Variants in EPHA6 observed in about 807,000 individuals in gnomAD.
The protein encoded by EPHA6 is EPH receptor A6.
A neutral mutation model predicts 112.0 loss-of-function variants in EPHA6; 50 were observed. That is an observed-to-expected ratio of 0.45 (90% CI 0.36 to 0.56). The LOEUF is 0.56. Ranked by LOEUF, EPHA6 falls within the 20% of genes least tolerant of loss-of-function variation. The pLI, the probability that EPHA6 is intolerant of heterozygous loss-of-function variation, is 0.00. For synonymous variants in EPHA6, 529 were observed against 490.7 expected (o/e 1.08, Z -1.03); for missense variants, 1,280 against 1,417.4 (o/e 0.90, Z 1.56).
intron 10 of EPHA6, among the ~76,000 whole-genome samples, chr3:97,488,755 C>G (rs1419104372): frequency 2.0e-5 from 3 of 152,136 alleles, no homozygotes; most frequent in African/African-American, 4.8e-5. Context: ...TCTTGTCCAT[C>G]AACTTAAAGG....
chr3:97,133,422 G>T (rs902410892), intron 3 of EPHA6, among the ~76,000 whole-genome samples: 4 of 151,898 alleles, frequency 2.6e-5, no homozygotes, highest in Non-Finnish European at 4.4e-5. Flanking sequence ...CATATGCTTT[G>T]TCTTCTGTTT....
intron 3 of EPHA6, among the ~76,000 whole-genome samples, chr3:97,009,346 G>A (rs1405994240): frequency 6.6e-6 from 1 of 152,194 alleles, no homozygotes; most frequent in East Asian, 1.9e-4. Flanking sequence ...CCTGCCCACT[G>A]AGGAAGGATG....
chr3:97,331,349 A>G (rs928500989), intron 5 of EPHA6, among the ~76,000 whole-genome samples: 2 of 152,178 alleles, frequency 1.3e-5, no homozygotes, highest in Admixed American at 6.5e-5. Context: ...CTGGAGAAGC[A>G]AGAACAAACA....
In EPHA6 at chr3:96,985,275, C is replaced by T. The variant is rs1012820879; in HGVS notation, c.451-2055C>T. 4.0e-5 allele frequency among the ~76,000 whole-genome samples: 6 copies of T among 151,816 alleles called. No individual in the cohort carries two copies. The South Asian group carries it at 1.2e-3, about 32-fold the overall frequency. On this transcript the variant is annotated intron_variant, in intron 2 of 17. Coordinates refer to ENST00000389672, the MANE Select transcript of EPHA6 (RefSeq NM_001080448.3). ...CATTAATAATAATGTATATGCATTCCCTGAGAAGTGAAATCAATTGTAATT... is the reference window on the plus strand; with the variant it reads ...CATTAATAATAATGTATATGCATTCTCTGAGAAGTGAAATCAATTGTAATT...
In EPHA6 at chr3:97,173,452, A is replaced by T. The variant is rs139861742; in HGVS notation, c.1115-52812A>T. On this transcript the variant is annotated intron_variant, in intron 3 of 17. Transcript: ENST00000389672. The stretch of plus-strand genomic sequence containing the variant: ...AAATAAAGAGACCACTGGACTTGTA[A>T]CCAGATCATTTAGATTCTAGTCCTA... Among the ~76,000 whole-genome samples, 14 of 151,918 alleles carry T rather than the reference A, an allele frequency of 9.2e-5. 1 individual carries two copies. The East Asian group carries it at 2.5e-3, about 27-fold the overall frequency.
intron 3 of EPHA6, among the ~76,000 whole-genome samples, chr3:97,194,661 G>C (rs1374156818): frequency 1.3e-5 from 2 of 151,954 alleles, no homozygotes; most frequent in Non-Finnish European, 2.9e-5. Flanking sequence ...GCTGAAAGTG[G>C]TGTGTTGAAG....
At chr3:97,581,920 A>G (rs2093442450) in intron 11 of EPHA6, among the ~76,000 whole-genome samples, 1 of 152,262 alleles carries the variant, frequency 6.6e-6, no homozygotes, top group African/African-American at 2.4e-5. Context: ...TCTTTGTGCT[A>G]GAAGGAGTGA....
chr3:97,244,321 C>T, intron 5 of EPHA6, 34 bp downstream of exon 5: 1 of 1,582,696 alleles, frequency 6.3e-7, no homozygotes, highest in Non-Finnish European at 8.7e-7. Context: ...AAAACAGACC[C>T]ATAATTTCTT....
chr3:97,318,713 A>G (rs967959091), intron 5 of EPHA6, among the ~76,000 whole-genome samples: 1 of 152,030 alleles, frequency 6.6e-6, no homozygotes, highest in Non-Finnish European at 1.5e-5. Flanking sequence ...TAAAGAATAA[A>G]GAAATATTCT....
At chr3:97,289,780 C>T (rs933960517) in intron 5 of EPHA6, among the ~76,000 whole-genome samples, 9 of 151,996 alleles carry the variant, frequency 5.9e-5, no homozygotes, top group Non-Finnish European at 1.0e-4. Context: ...TCTTTCACCT[C>T]CTTGGTTACC....
chr3:97,668,943 A>AAAT (rs2030473782), intron 14 of EPHA6, among the ~76,000 whole-genome samples: 1 of 149,712 alleles, frequency 6.7e-6, no homozygotes, highest in Non-Finnish European at 1.5e-5. Context: ...AAAAAAAAAA[A>AAAT]ATCCACTAAG....
intron 2 of EPHA6, among the ~76,000 whole-genome samples, chr3:96,936,764 C>G (rs981396170): frequency 5.3e-5 from 8 of 152,118 alleles, no homozygotes; most frequent in African/African-American, 1.9e-4. Flanking sequence ...CACCACTCCT[C>G]CGACCCCACA....
chr3:97,150,339 G>A (rs756767277), intron 3 of EPHA6, among the ~76,000 whole-genome samples: 15 of 151,996 alleles, frequency 9.9e-5, no homozygotes, highest in African/African-American at 3.6e-4. Context: ...GAAGACGTTT[G>A]TATAGCTAAC....
At chr3:96,898,782 C>G (rs1234423532) in intron 2 of EPHA6, among the ~76,000 whole-genome samples, 1 of 152,000 alleles carries the variant, frequency 6.6e-6, no homozygotes, top group East Asian at 1.9e-4. Context: ...GTAATCCCAG[C>G]ACTTTGGGAG....
chr3:97,036,575 A>G (rs1269782257), intron 3 of EPHA6, among the ~76,000 whole-genome samples: 1 of 151,966 alleles, frequency 6.6e-6, no homozygotes, highest in Non-Finnish European at 1.5e-5. Context: ...ACGTTCTTCT[A>G]TTTGAGTCCC....
At chr3:96,900,096 T>A (rs549198415) in intron 2 of EPHA6, among the ~76,000 whole-genome samples, 1 of 152,326 alleles carries the variant, frequency 6.6e-6, no homozygotes, top group East Asian at 1.9e-4. Flanking sequence ...TTAATTACCC[T>A]GGGACAATAG....
intron 13 of EPHA6, among the ~76,000 whole-genome samples, chr3:97,625,889 G>T (rs1019763211): frequency 1.2e-4 from 18 of 151,710 alleles, no homozygotes; most frequent in Non-Finnish European, 1.5e-4. Context: ...AGTAGAAGCC[G>T]CCACATCTCC....
chr3:97,324,480 G>C (rs183629498), intron 5 of EPHA6, among the ~76,000 whole-genome samples: 7,489 of 41,514 alleles, frequency 0.18, 240 homozygotes, highest in Non-Finnish European at 0.24. Context: ...TTTTTCTTTC[G>C]TCTCTTTCTC....
chr3:97,405,842 C>G (rs911330743), intron 6 of EPHA6, among the ~76,000 whole-genome samples: 1 of 151,892 alleles, frequency 6.6e-6, no homozygotes, highest in Admixed American at 6.6e-5. Flanking sequence ...AATAATGGAA[C>G]CCTTATTTCC....
Sources: gnomAD v4.1 joint callset for allele counts (sites outside exome capture counted in the v4.1 genomes callset) on GRCh38, gnomAD v4.1.1 for gene constraint, MANE v1.5 for transcripts, NCBI Gene and HGNC (gene_info 2026-07-23, HGNC 2026-07-21) for gene names.